The following XIRP2 variants were observed in gnomAD, a reference collection of about 807,000 sequenced individuals.
XIRP2 encodes the protein xin actin-binding repeat-containing protein 2.
XIRP2 carries 236 observed loss-of-function variants against 277.0 expected under a neutral mutation model. The observed-to-expected ratio is 0.85, with a 90% CI of 0.77 to 0.95. The LOEUF (loss-of-function observed/expected upper bound fraction) is 0.95, where lower values mean the gene tolerates loss of function less well. Ranked by LOEUF, XIRP2 falls within the 40% of genes least tolerant of loss-of-function variation. The probability of loss-of-function intolerance (pLI) is 0.00; values close to 1 mark genes in which losing one functional copy is unlikely to be tolerated. For synonymous variants in XIRP2, 1,490 were observed against 1,416.5 expected (o/e 1.05, Z -1.17); for missense variants, 4,640 against 4,157.5 (o/e 1.12, Z -3.19).
intron 2 of XIRP2, among the ~76,000 whole-genome samples, chr2:167,066,544 T>C (rs1195666211): frequency 1.3e-5 from 2 of 152,028 alleles, no homozygotes; most frequent in African/African-American, 4.8e-5. Flanking sequence ...GGTGCAGCTG[T>C]TATGAAAAAC....
chr2:166,966,812 AGTC>A (rs982688007), intron 2 of XIRP2, among the ~76,000 whole-genome samples: 4 of 152,046 alleles, frequency 2.6e-5, no homozygotes, highest in African/African-American at 4.8e-5. Flanking sequence ...GCAAAACAAA[AGTC>A]AAACTACAGC....
chr2:167,197,759 A>G (rs978604158), intron 3 of XIRP2, among the ~76,000 whole-genome samples: 7 of 152,046 alleles, frequency 4.6e-5, no homozygotes, highest in Non-Finnish European at 8.8e-5. Flanking sequence ...AAGAAACCCA[A>G]TTGCTTTTTA....
At chr2:167,178,639 GT>G (rs936984253) in intron 3 of XIRP2, among the ~76,000 whole-genome samples, 1 of 151,666 alleles carries the variant, frequency 6.6e-6, no homozygotes, top group African/African-American at 2.4e-5. Context: ...TTGTTCATAA[GT>G]TTTTTACTTC....
intron 3 of XIRP2, among the ~76,000 whole-genome samples, chr2:167,206,916 T>G (rs1693872654): frequency 6.6e-6 from 1 of 152,200 alleles, no homozygotes; most frequent in Non-Finnish European, 1.5e-5. Flanking sequence ...TGACAAAGAT[T>G]GTGTCAAATA....
chr2:167,175,611 G>A (rs980967337), intron 3 of XIRP2, among the ~76,000 whole-genome samples: 10 of 152,118 alleles, frequency 6.6e-5, no homozygotes, highest in East Asian at 1.9e-4. Context: ...GGAGGCAGGC[G>A]GTTCAGGGAA....
intron 2 of XIRP2, among the ~76,000 whole-genome samples, chr2:167,044,177 T>G (rs1006328461): frequency 2.6e-5 from 4 of 152,026 alleles, no homozygotes; most frequent in Non-Finnish European, 5.9e-5. Flanking sequence ...CAAAACCACA[T>G]GATCATCTCA....
chr2:166,986,787 G>T (rs1299513261), intron 2 of XIRP2, among the ~76,000 whole-genome samples: 1 of 152,150 alleles, frequency 6.6e-6, no homozygotes, highest in Non-Finnish European at 1.5e-5. Flanking sequence ...TAAAACAAAC[G>T]TTTAGATAAA....
chr2:167,118,583 G>A (rs374927068), intron 2 of XIRP2, among the ~76,000 whole-genome samples: 13 of 152,002 alleles, frequency 8.6e-5, no homozygotes, highest in Non-Finnish European at 1.6e-4. Context: ...GCCTTTTACC[G>A]TTCGAGTACA....
At chr2:167,127,654 G>A (rs180927662) in intron 2 of XIRP2, among the ~76,000 whole-genome samples, 21 of 152,252 alleles carry the variant, frequency 1.4e-4, no homozygotes, top group Admixed American at 3.3e-4. Context: ...TGACTTCTTT[G>A]AATTTCAGAT....
chr2:167,172,353 A>C (rs1692722684), intron 3 of XIRP2, among the ~76,000 whole-genome samples: 1 of 152,222 alleles, frequency 6.6e-6, no homozygotes, highest in Non-Finnish European at 1.5e-5. Context: ...CAAAATTAAA[A>C]TTGCTAATGA....
intron 4 of XIRP2, among the ~76,000 whole-genome samples, chr2:167,212,076 A>G (rs1041336905): frequency 6.6e-6 from 1 of 152,334 alleles, no homozygotes; most frequent in Non-Finnish European, 1.5e-5. Context: ...TGCCAAACTC[A>G]TTTAAAAAAT....
At chr2:167,132,509 T>TACACACACAC (rs1491102871) in intron 2 of XIRP2, among the ~76,000 whole-genome samples, 16 of 126,478 alleles carry the variant, frequency 1.3e-4, no homozygotes, top group Admixed American at 1.0e-3. Flanking sequence ...TGTGCATGTG[T>TACACACACAC]ATACACACAC....
rs200098935 is a variant in XIRP2, at chr2:167,241,900, A to G, written c.1166A>G (p.Lys389Arg). ...GACAAAGAGATGACAACCCCAGCCA[A>G]GCAGATTAAGGTAAAGTCATTTCTT... ...YSDKEMTTPA[K>R]QIKTESEYEE... Residue 389 changes from lysine to arginine, a missense_variant, in exon 8 of 11, where the codon AAG (lysine) becomes AGG (arginine). Lys to Arg is a conservative substitution (Grantham distance 26, BLOSUM62 2). Coordinates refer to ENST00000409195, the MANE Select transcript of XIRP2 (RefSeq NM_152381.6). 2 of 1,612,746 alleles carry G rather than the reference A, an allele frequency of 1.2e-6. No individual in the cohort carries two copies. The highest frequency in any genetic ancestry group is 3.3e-5 in the Admixed American group (2 of 59,794).
At chr2:167,054,503 G>A (rs578032622) in intron 2 of XIRP2, among the ~76,000 whole-genome samples, 1 of 152,244 alleles carries the variant, frequency 6.6e-6, no homozygotes, top group South Asian at 2.1e-4. Context: ...GGCCAACATG[G>A]TGAAACCCCA....
At chr2:167,074,373 A>G (rs1382939222) in intron 2 of XIRP2, among the ~76,000 whole-genome samples, 1 of 152,142 alleles carries the variant, frequency 6.6e-6, no homozygotes, top group Admixed American at 6.5e-5. Flanking sequence ...AAATACTTGA[A>G]AACCAGAATC....
chr2:167,215,436 G>C (rs1046223717), intron 4 of XIRP2, among the ~76,000 whole-genome samples: 6 of 152,168 alleles, frequency 3.9e-5, no homozygotes, highest in African/African-American at 1.2e-4. Flanking sequence ...TTGAGTACTT[G>C]CTAGTAATTT....
chr2:167,018,170 G>T (rs1168505523), intron 2 of XIRP2, among the ~76,000 whole-genome samples: 1 of 151,944 alleles, frequency 6.6e-6, no homozygotes, highest in Non-Finnish European at 1.5e-5. Flanking sequence ...AGGCATTGTT[G>T]CCCCTGTATT....
chr2:167,071,210 T>C (rs1689429460), intron 2 of XIRP2, among the ~76,000 whole-genome samples: 1 of 152,160 alleles, frequency 6.6e-6, no homozygotes. Context: ...TGTGAACATA[T>C]GTGACATAAA....
At chr2:166,915,320 AAAG>A (rs1406728645) in intron 2 of XIRP2, among the ~76,000 whole-genome samples, 4 of 151,072 alleles carry the variant, frequency 2.6e-5, no homozygotes, top group African/African-American at 9.7e-5. Context: ...AAAAAAAAAA[AAAG>A]AAAAAGAAAT....
Sources: gnomAD v4.1 joint callset for allele counts (sites outside exome capture counted in the v4.1 genomes callset) on GRCh38, gnomAD v4.1.1 for gene constraint, MANE v1.5 for transcripts, NCBI Gene and HGNC (gene_info 2026-07-23, HGNC 2026-07-21) for gene names.